BMPR2: variants seen among roughly 807,000 people sequenced by gnomAD.
BMPR2 encodes the protein bone morphogenetic protein receptor type 2.
Under a neutral mutation model 100.8 loss-of-function variants are expected in BMPR2, and 29 were observed. The observed-to-expected ratio is 0.29, with a 90% confidence interval of 0.21 to 0.39. The LOEUF (loss-of-function observed/expected upper bound fraction) is 0.39. Ranked by LOEUF, BMPR2 falls within the 10% of genes least tolerant of loss-of-function variation. BMPR2 has a pLI of 1.00. For synonymous variants in BMPR2, 382 were observed against 442.3 expected (o/e 0.86, Z 1.71); for missense variants, 1,011 against 1,274.5 (o/e 0.79, Z 3.15).
intron 1 of BMPR2, among the ~76,000 whole-genome samples, chr2:202,461,344 C>T (rs914978645): frequency 4.0e-5 from 6 of 151,850 alleles, no homozygotes; most frequent in Non-Finnish European, 8.8e-5. Flanking sequence ...ATTAGCCGGG[C>T]GTGGTGATGC....
chr2:202,555,146 G>A lies in BMPR2; in HGVS notation c.1587-106G>A. On this transcript the variant is annotated intron_variant, in intron 11 of 12. Transcript: ENST00000374580. Reference sequence around the variant, plus strand: ...CCTTTAGAAAAATGTACGTTTGGAAGAAAATGAAAAACAACTCAGACTTTA... The same window carrying A: ...CCTTTAGAAAAATGTACGTTTGGAAAAAAATGAAAAACAACTCAGACTTTA... 4.7e-6 allele frequency: 5 copies of A among 1,056,416 alleles called. No homozygotes were observed. In the South Asian group the frequency reaches 7.0e-5, roughly 15 times the overall value. 65.4% of individuals were successfully genotyped at this position (1,056,416 alleles called of 1,614,324 possible).
chr2:202,558,417 C>A (rs1349222640), intron 12 of BMPR2, among the ~76,000 whole-genome samples: 1 of 152,002 alleles, frequency 6.6e-6, no homozygotes, highest in African/African-American at 2.4e-5. Flanking sequence ...CAGCCTATTT[C>A]TCTTTTAGAC....
chr2:202,474,174 C>T (rs752565529), intron 3 of BMPR2, among the ~76,000 whole-genome samples: 8 of 150,516 alleles, frequency 5.3e-5, no homozygotes, highest in East Asian at 4.0e-4. Flanking sequence ...ATAAGTGGAT[C>T]GCCGGGCACG....
chr2:202,402,008 A>T (rs1559026822), intron 1 of BMPR2, among the ~76,000 whole-genome samples: 1 of 152,234 alleles, frequency 6.6e-6, no homozygotes, highest in African/African-American at 2.4e-5. Flanking sequence ...TCTGTCTTTT[A>T]GGGGAAGGCT....
At chr2:202,537,294 A>G (rs1441212887) in intron 9 of BMPR2, among the ~76,000 whole-genome samples, 1 of 152,198 alleles carries the variant, frequency 6.6e-6, no homozygotes, top group Non-Finnish European at 1.5e-5. Flanking sequence ...GTCTGACTGA[A>G]ATGATTTTTT....
intron 10 of BMPR2, among the ~76,000 whole-genome samples, chr2:202,550,107 C>T (rs775869176): frequency 3.9e-5 from 6 of 152,094 alleles, no homozygotes; most frequent in East Asian, 1.9e-4. Context: ...CAGTGGCTCA[C>T]GCCTGTAATC....
intron 1 of BMPR2, among the ~76,000 whole-genome samples, chr2:202,380,196 C>G (rs1241911635): frequency 7.3e-6 from 1 of 136,934 alleles, no homozygotes; most frequent in Non-Finnish European, 1.6e-5. Flanking sequence ...ATGCCCCCCC[C>G]AAAAAAAAAA....
At chr2:202,411,014 G>A (rs1691003530) in intron 1 of BMPR2, among the ~76,000 whole-genome samples, 1 of 152,084 alleles carries the variant, frequency 6.6e-6, no homozygotes, top group Non-Finnish European at 1.5e-5. Context: ...AAGGAGTGAT[G>A]GAAATAGAAA....
At chr2:202,415,326 C>A (rs969432625) in intron 1 of BMPR2, among the ~76,000 whole-genome samples, 2 of 152,082 alleles carry the variant, frequency 1.3e-5, no homozygotes, top group Non-Finnish European at 2.9e-5. Context: ...AAAAAATTAG[C>A]TGAGTGTGTT....
chr2:202,505,332 T>G (rs1687498369), intron 3 of BMPR2: 1 of 150,864 alleles, frequency 6.6e-6, no homozygotes, highest in Admixed American at 6.6e-5. Flanking sequence ...GACACTCTCT[T>G]AGGAGCAGCT....
At chr2:202,421,078 C>T (rs1435175471) in intron 1 of BMPR2, among the ~76,000 whole-genome samples, 25 of 151,324 alleles carry the variant, frequency 1.7e-4, no homozygotes, top group Admixed American at 1.6e-3. Flanking sequence ...GGTGAAACCC[C>T]GTCTCTACAA....
intron 3 of BMPR2, among the ~76,000 whole-genome samples, chr2:202,470,490 G>A (rs560892703): frequency 2.6e-5 from 4 of 151,164 alleles, no homozygotes; most frequent in Non-Finnish European, 5.9e-5. Flanking sequence ...GGCCGGGCGC[G>A]GTGGCTCACG....
intron 1 of BMPR2, among the ~76,000 whole-genome samples, chr2:202,443,587 G>A (rs1379332948): frequency 6.9e-6 from 1 of 145,058 alleles, no homozygotes; most frequent in Non-Finnish European, 1.5e-5. Context: ...TTTTCAAGAC[G>A]GAGTCTTGGT....
At chr2:202,440,295 T>C (rs114229592) in intron 1 of BMPR2, among the ~76,000 whole-genome samples, 19,375 of 129,174 alleles carry the variant, frequency 0.15, 1,703 homozygotes, top group Admixed American at 0.16. Flanking sequence ...GACGGGGTGG[T>C]GGTAGGGCAG....
chr2:202,453,997 T>C (rs1692038618), intron 1 of BMPR2, among the ~76,000 whole-genome samples: 1 of 152,052 alleles, frequency 6.6e-6, no homozygotes, highest in Non-Finnish European at 1.5e-5. Context: ...ATCAAGAAGG[T>C]GAGTAAAATA....
intron 1 of BMPR2, among the ~76,000 whole-genome samples, chr2:202,407,995 G>A (rs2105914982): frequency 6.6e-6 from 1 of 151,696 alleles, no homozygotes; most frequent in South Asian, 2.1e-4. Context: ...CACCACGCCT[G>A]GCTATTTTTT....
intron 2 of BMPR2, chr2:202,467,171 G>A (rs112897196): frequency 4.6e-5 from 15 of 324,028 alleles, no homozygotes; most frequent in South Asian, 3.2e-4. Flanking sequence ...GCTAAGGTAG[G>A]AGAATCGCTT....
rs1688722642 is a variant in BMPR2 at position 202,564,396 on chromosome 2, A to G, written c.*4450A>G. The G allele has an allele frequency of 6.6e-6, 1 of 152,178 alleles. No homozygotes were observed. Among genetic ancestry groups the G allele is most frequent in the Non-Finnish European group, 1.5e-5 (1 of 68,036 alleles). The allele number at this position is 152,178 out of a possible 1,614,324, so 9.4% of individuals were successfully genotyped here. On this transcript the variant is annotated 3_prime_UTR_variant, in exon 13 of 13. Coordinates refer to ENST00000374580, the MANE Select transcript of BMPR2 (RefSeq NM_001204.7). The stretch of plus-strand genomic sequence containing the variant: ...TCTTAAAGTTAAAATCCGGACACAC[A>G]TGTTGATTATCTAGACCAGTCATTC...
rs1184620390 is a variant in BMPR2 at position 202,556,539 on chromosome 2, G to A, written c.2866+8G>A. On this transcript the variant is annotated splice_region_variant and intron_variant, in intron 12 of 12. Transcript: ENST00000374580. The stretch of plus-strand genomic sequence containing the variant: ...ATGGCAGCAGTATACAGAGTAAGTG[G>A]AGGGATCATATAATCTCTCCTGTGT... The A allele has an allele frequency of 1.9e-6, 3 of 1,610,674 alleles. No individual in the cohort carries two copies. Among genetic ancestry groups the A allele is most frequent in the Non-Finnish European group, 2.5e-6 (3 of 1,179,948 alleles).
Sources: allele counts gnomAD v4.1 joint callset (sites outside exome capture counted in the v4.1 genomes callset), GRCh38; gene constraint gnomAD v4.1.1; transcripts MANE v1.5; gene names NCBI Gene and HGNC (gene_info 2026-07-23, HGNC 2026-07-21).